The following TUSC3 variants were observed in gnomAD, a reference collection of about 807,000 sequenced individuals.
TUSC3 encodes tumor suppressor candidate 3.
Under a neutral mutation model 44.8 loss-of-function variants are expected in TUSC3, and 45 were observed. That is an observed-to-expected ratio of 1.00 (90% CI 0.79 to 1.29). The LOEUF (loss-of-function observed/expected upper bound fraction) is 1.29, where lower values mean the gene tolerates loss of function less well. TUSC3 is among the 50% of genes most tolerant of loss of function. The probability of loss-of-function intolerance (pLI) is 0.00; values close to 1 mark genes in which losing one functional copy is unlikely to be tolerated. For missense variants in TUSC3, 519 were observed against 437.9 expected (o/e 1.19, Z -1.65); for synonymous variants, 212 against 152.9 (o/e 1.39, Z -2.85).
intron 2 of TUSC3, among the ~76,000 whole-genome samples, chr8:15,528,315 G>A (rs1010123957): frequency 7.9e-5 from 12 of 152,120 alleles, no homozygotes; most frequent in Non-Finnish European, 1.8e-4. Context: ...GATGAGTTCA[G>A]GAAATGAATT....
intron 6 of TUSC3, among the ~76,000 whole-genome samples, chr8:15,696,002 G>A (rs1346023002): frequency 6.6e-6 from 1 of 152,154 alleles, no homozygotes; most frequent in African/African-American, 2.4e-5. Context: ...GGAGATAGAA[G>A]AGAAAAACCC....
intron 2 of TUSC3, among the ~76,000 whole-genome samples, chr8:15,641,430 A>G (rs1806366412): frequency 6.6e-6 from 1 of 152,124 alleles, no homozygotes; most frequent in Non-Finnish European, 1.5e-5. Context: ...TCCTATATCA[A>G]GAGTAAGCCT....
Position 15,713,407 on chromosome 8 carries a change from T to G in TUSC3, c.799-17259T>G, listed in dbSNP as rs188445498. On this transcript the variant is annotated intron_variant, in intron 6 of 10. Transcript: ENST00000503731. Reference sequence around the variant, plus strand: ...TTACTGTCATTGTTCAAAAGAAAGCTGACAATAAACATAAGGCATTAGTGG... The same window carrying G: ...TTACTGTCATTGTTCAAAAGAAAGCGGACAATAAACATAAGGCATTAGTGG... Among the ~76,000 whole-genome samples, 893 of 152,202 alleles carry G rather than the reference T, an allele frequency of 5.9e-3. 9 individuals are homozygous for G. Among genetic ancestry groups the G allele is most frequent in the African/African-American group, 0.02 (832 of 41,516 alleles).
chr8:15,482,086 G>A (rs1018192303), intron 1 of TUSC3, among the ~76,000 whole-genome samples: 1 of 152,168 alleles, frequency 6.6e-6, no homozygotes, highest in African/African-American at 2.4e-5. Context: ...TTCACCAGGA[G>A]TATATTCCAT....
intron 1 of TUSC3, among the ~76,000 whole-genome samples, chr8:15,434,004 A>G (rs995565472): frequency 5.3e-5 from 8 of 152,146 alleles, no homozygotes; most frequent in African/African-American, 1.9e-4. Context: ...GTCATATACT[A>G]AGTATATATT....
At chr8:15,540,595 C>T (rs200770140) in intron 1 of TUSC3, 27 bp downstream of exon 1, 210 of 1,526,272 alleles carry the variant, frequency 1.4e-4, no homozygotes, top group Non-Finnish European at 1.7e-4. Flanking sequence ...TGGCCTTCCC[C>T]TGTGGGCGGG....
intron 1 of TUSC3, among the ~76,000 whole-genome samples, chr8:15,589,044 G>A (rs556897108): frequency 1.2e-4 from 19 of 152,108 alleles, no homozygotes; most frequent in Middle Eastern, 3.4e-3. Flanking sequence ...TCGGAGTGCA[G>A]TTTATCATTA....
At chr8:15,709,347 A>T (rs1193895636) in intron 6 of TUSC3, among the ~76,000 whole-genome samples, 2 of 151,976 alleles carry the variant, frequency 1.3e-5, no homozygotes, top group African/African-American at 2.4e-5. Context: ...CTTTTACCCC[A>T]ATCCAAGTAT....
chr8:15,721,724 A>G (rs1415860484), intron 6 of TUSC3, among the ~76,000 whole-genome samples: 3 of 152,106 alleles, frequency 2.0e-5, no homozygotes, highest in Non-Finnish European at 4.4e-5. Flanking sequence ...AAGTCTAGAA[A>G]TATGTTATCA....
At chr8:15,521,998 G>T (rs974226386) in intron 2 of TUSC3, among the ~76,000 whole-genome samples, 3 of 152,200 alleles carry the variant, frequency 2.0e-5, no homozygotes, top group African/African-American at 7.2e-5. Flanking sequence ...AACTACTGGG[G>T]TTAGAAATGA....
chr8:15,801,761 A>T, the TUSC3 span, among the ~76,000 whole-genome samples: 1 of 152,106 alleles, frequency 6.6e-6, no homozygotes, highest in Admixed American at 6.5e-5. Flanking sequence ...GCTGCAAGAG[A>T]ACCTCCTGAT....
intron 6 of TUSC3, among the ~76,000 whole-genome samples, chr8:15,728,982 C>T (rs941399528): frequency 1.3e-5 from 2 of 151,922 alleles, no homozygotes; most frequent in Non-Finnish European, 1.5e-5. Flanking sequence ...TGAGATATGA[C>T]CATAGGATTT....
chr8:15,476,914 C>G (rs533856320), intron 1 of TUSC3, among the ~76,000 whole-genome samples: 1 of 152,192 alleles, frequency 6.6e-6, no homozygotes. Flanking sequence ...ATGCAAACAT[C>G]TGATTTGTTG....
At chr8:15,736,631 G>A (rs1046646168) in intron 7 of TUSC3, among the ~76,000 whole-genome samples, 13 of 152,108 alleles carry the variant, frequency 8.5e-5, no homozygotes, top group African/African-American at 3.1e-4. Context: ...ATTACAAGTA[G>A]TGGTTTTCTA....
the TUSC3 span, among the ~76,000 whole-genome samples, chr8:15,846,225 C>T: frequency 2.6e-3 from 402 of 152,290 alleles, 1 homozygote; most frequent in African/African-American, 8.6e-3. Flanking sequence ...TTTTTCATTA[C>T]TGTTGTTTTA....
At chr8:15,659,743 T>C (rs959718208) in intron 4 of TUSC3, 96 bp downstream of exon 4, 1 of 1,514,424 alleles carries the variant, frequency 6.6e-7, no homozygotes, top group African/African-American at 1.4e-5. Context: ...TTAATTTCTC[T>C]ATGGTTGTTT....
upstream of TUSC3, among the ~76,000 whole-genome samples, chr8:15,536,679 C>A: frequency 2.6e-5 from 1 of 38,778 alleles, no homozygotes; most frequent in South Asian, 9.4e-4. Flanking sequence ...AAGATTCCGT[C>A]TCAAAAAAAA....
At chr8:15,509,485 G>A (rs1411964503) in intron 2 of TUSC3, among the ~76,000 whole-genome samples, 1 of 152,070 alleles carries the variant, frequency 6.6e-6, no homozygotes, top group Non-Finnish European at 1.5e-5. Context: ...GCAGGCGCCT[G>A]TAATCCCAGC....
intron 1 of TUSC3, among the ~76,000 whole-genome samples, chr8:15,449,683 CT>C (rs1161999844): frequency 6.6e-6 from 1 of 152,126 alleles, no homozygotes; most frequent in Non-Finnish European, 1.5e-5. Context: ...TCTGGTGTCC[CT>C]TTGATCGCAA....
Sources: allele counts gnomAD v4.1 joint callset (sites outside exome capture counted in the v4.1 genomes callset), GRCh38; gene constraint gnomAD v4.1.1; transcripts MANE v1.5; gene names NCBI Gene and HGNC (gene_info 2026-07-23, HGNC 2026-07-21).